Variants in NR6A1 observed in about 807,000 individuals in gnomAD.
NR6A1 encodes the protein nuclear receptor subfamily 6 group A member 1.
In NR6A1, 7 loss-of-function variants were observed where a neutral mutation model predicts 59.1. The ratio of observed to expected loss-of-function variants is 0.12; its 90% CI spans 0.07 to 0.22. The LOEUF is 0.22. Among genes scored for constraint, NR6A1 ranks in the 10% least tolerant of loss-of-function variants. The pLI, the probability that NR6A1 is intolerant of heterozygous loss-of-function variation, is 1.00. For synonymous variants in NR6A1, 243 were observed against 236.1 expected, an observed-to-expected ratio of 1.03 and a Z score of -0.27; for missense variants, 468 against 611.6, an observed-to-expected ratio of 0.77 and a Z score of 2.48.
intron 7 of NR6A1, among the ~76,000 whole-genome samples, chr9:124,534,222 G>A (rs1021686257): frequency 2.6e-5 from 4 of 151,946 alleles, no homozygotes; most frequent in African/African-American, 7.3e-5. Context: ...ACAGGCATGC[G>A]CCACCACACC....
intron 1 of NR6A1, among the ~76,000 whole-genome samples, chr9:124,747,274 C>A (rs905352310): frequency 6.7e-6 from 1 of 150,160 alleles, no homozygotes; most frequent in East Asian, 2.0e-4. Flanking sequence ...ACTGCAGCCT[C>A]GACCTCCCAG....
At chr9:124,636,234 T>C (rs754867016) in intron 2 of NR6A1, among the ~76,000 whole-genome samples, 2 of 152,248 alleles carry the variant, frequency 1.3e-5, no homozygotes, top group African/African-American at 4.8e-5. Context: ...AAAGGTTCTT[T>C]AGACATTTTT....
chr9:124,692,529 T>C (rs746980931), intron 2 of NR6A1: 4 of 529,574 alleles, frequency 7.6e-6, no homozygotes, highest in South Asian at 2.8e-5. Flanking sequence ...CCACTGACCG[T>C]TGACTGTACC....
At chr9:124,558,341 C>T (rs2131395651) in intron 2 of NR6A1, among the ~76,000 whole-genome samples, 1 of 152,274 alleles carries the variant, frequency 6.6e-6, no homozygotes, top group Middle Eastern at 3.4e-3. Flanking sequence ...GACTGCTTCT[C>T]TGTCTGGCTA....
Position 124,522,776 on chromosome 9 carries a change from G to A in NR6A1, c.1372C>T (p.Pro458Ser). Residue 458 changes from proline to serine, a missense_variant, in exon 10 of 10, where the codon CCC becomes TCC. By Grantham distance (74) the Pro-to-Ser change is moderately conservative (BLOSUM62 -1). Transcript: ENST00000487099. The stretch of plus-strand genomic sequence containing the variant: ...AAGAGGAGGGGCAGCTGCTCCAGGG[G>A]CACATTCACCATCTTTCCTGGGAAC... ...RYIAGKMVNVPLEQLPLLFKV... is the reference protein window; with the variant it reads ...RYIAGKMVNVSLEQLPLLFKV... The A allele has an allele frequency of 6.3e-7, 1 of 1,590,166 alleles. No homozygotes were observed. Among genetic ancestry groups the A allele is most frequent in the Non-Finnish European group, 8.6e-7 (1 of 1,168,268 alleles).
intron 1 of NR6A1, among the ~76,000 whole-genome samples, chr9:124,747,831 G>C (rs571142929): frequency 4.6e-4 from 70 of 152,112 alleles, no homozygotes; most frequent in African/African-American, 1.6e-3. Flanking sequence ...TCAAGCTCAA[G>C]GCATCTAATC....
intron 2 of NR6A1, among the ~76,000 whole-genome samples, chr9:124,661,798 T>C (rs1837443248): frequency 6.6e-6 from 1 of 152,166 alleles, no homozygotes. Flanking sequence ...TAATCAAAAT[T>C]AAATAAAACA....
intron 2 of NR6A1, among the ~76,000 whole-genome samples, chr9:124,577,459 T>G (rs562222117): frequency 6.6e-6 from 1 of 152,226 alleles, no homozygotes; most frequent in Non-Finnish European, 1.5e-5. Flanking sequence ...TTGTTATATA[T>G]CTCAGTCCTT....
At chr9:124,724,100 TA>T (rs1839642640) in intron 2 of NR6A1, among the ~76,000 whole-genome samples, 1 of 152,224 alleles carries the variant, frequency 6.6e-6, no homozygotes, top group Non-Finnish European at 1.5e-5. Flanking sequence ...ATCCTTCCGT[TA>T]AAAACATTTG....
At chr9:124,724,379 T>C (rs777181177) in intron 2 of NR6A1, among the ~76,000 whole-genome samples, 15 of 152,040 alleles carry the variant, frequency 9.9e-5, no homozygotes, top group Non-Finnish European at 1.5e-4. Context: ...CAATGTTTTT[T>C]TCTTTTAATC....
chr9:124,594,201 G>A (rs947289470), intron 2 of NR6A1, among the ~76,000 whole-genome samples: 2 of 152,156 alleles, frequency 1.3e-5, no homozygotes, highest in African/African-American at 4.8e-5. Flanking sequence ...AATTTTCAAT[G>A]AAAGATCTAG....
chr9:124,604,153 C>T (rs141950309), intron 2 of NR6A1, among the ~76,000 whole-genome samples: 1 of 152,162 alleles, frequency 6.6e-6, no homozygotes, highest in Admixed American at 6.5e-5. Flanking sequence ...CAACTACACT[C>T]AGCAACTGAG....
intron 2 of NR6A1, among the ~76,000 whole-genome samples, chr9:124,725,800 T>C (rs1331528120): frequency 6.6e-6 from 1 of 152,090 alleles, no homozygotes; most frequent in Admixed American, 6.6e-5. Flanking sequence ...AATACCAAAT[T>C]TTAAAAACTT....
chr9:124,522,822 A>G (rs755118333), intron 9 of NR6A1, 29 bp from the exon 10 acceptor site: 32 of 1,543,338 alleles, frequency 2.1e-5, no homozygotes, highest in Non-Finnish European at 2.8e-5. Context: ...AAGAAGAGTT[A>G]GCAGTGGTCA....
chr9:124,599,666 C>T lies in NR6A1; in HGVS notation c.143-45096G>A. ...GGCGACTACTCGTAGCTCCTTCCCT[C>T]TGCGTCTGGCCATGAAGTCCAAATT... On this transcript the variant is annotated intron_variant, in intron 2 of 9. Coordinates refer to ENST00000487099, the MANE Select transcript of NR6A1 (RefSeq NM_033334.4). 9 of 1,057,200 alleles carry T rather than the reference C, an allele frequency of 8.5e-6. No homozygotes were observed. In the South Asian group the frequency reaches 1.4e-4, roughly 17 times the overall value. The allele number at this position is 1,057,200 out of a possible 1,614,324, so 65.5% of individuals were successfully genotyped here.
chr9:124,524,786 T>C lies in NR6A1; in HGVS notation c.1289A>G (p.Tyr430Cys). ...YICQDFTEYK[Y>C]THQPNRFPDL... is the part of the protein sequence containing the mutation. ...AGGAAAGCGGTTCGGCTGATGTGTG[T>C]ATTTATATTCAGTAAAATCCTGGCA... Residue 430 changes from tyrosine (Y) to cysteine (C), a missense_variant, in exon 9 of 10, where the codon TAC becomes TGC. Coordinates refer to ENST00000487099, the MANE Select transcript of NR6A1 (RefSeq NM_033334.4). 3 of 1,614,092 alleles carry C rather than the reference T, an allele frequency of 1.9e-6. No individual in the cohort carries two copies. The highest frequency in any genetic ancestry group is 3.3e-5 in the Admixed American group (2 of 60,024).
chr9:124,730,281 G>T (rs543916223), intron 2 of NR6A1, among the ~76,000 whole-genome samples: 4 of 152,260 alleles, frequency 2.6e-5, no homozygotes, highest in African/African-American at 7.2e-5. Flanking sequence ...ACCTAGGCTG[G>T]AATGCAGTGG....
intron 2 of NR6A1, among the ~76,000 whole-genome samples, chr9:124,560,457 TAA>T (rs1309602932): frequency 6.6e-6 from 1 of 152,228 alleles, no homozygotes; most frequent in Non-Finnish European, 1.5e-5. Context: ...TTTCTATCCT[TAA>T]AACAGTATTA....
intron 2 of NR6A1, among the ~76,000 whole-genome samples, chr9:124,600,002 C>T (rs954618196): frequency 6.6e-6 from 1 of 152,120 alleles, no homozygotes; most frequent in African/African-American, 2.4e-5. Context: ...AAACAAAAGA[C>T]AGCAAATCTA....
Sources: allele counts gnomAD v4.1 joint callset (sites outside exome capture counted in the v4.1 genomes callset), GRCh38; gene constraint gnomAD v4.1.1; transcripts MANE v1.5; gene names NCBI Gene and HGNC (gene_info 2026-07-23, HGNC 2026-07-21).